The following ARHGAP10 variants were observed in gnomAD, a reference collection of about 807,000 sequenced individuals.
The protein encoded by ARHGAP10 is Rho GTPase activating protein 10, also known as rho GTPase-activating protein 10.
ARHGAP10 carries 87 observed loss-of-function variants against 108.6 expected under a neutral mutation model. The ratio of observed to expected loss-of-function variants is 0.80; its 90% confidence interval spans 0.67 to 0.96. ARHGAP10 has a LOEUF of 0.96. ARHGAP10 is among the 40% of genes least tolerant of loss of function. The pLI, the probability that ARHGAP10 is intolerant of heterozygous loss-of-function variation, is 0.00. For missense variants in ARHGAP10, 939 were observed against 954.5 expected (o/e 0.98, Z 0.21); for synonymous variants, 347 against 341.1 (o/e 1.02, Z -0.19).
At position 147,732,414 on chromosome 4, in the gene ARHGAP10, A is replaced by T; in HGVS notation, c.113A>T (p.Glu38Val). ...ELERTNKFIKELIKDGKNLIA... is the reference protein window; with the variant it reads ...ELERTNKFIKVLIKDGKNLIA... The stretch of plus-strand genomic sequence containing the variant: ...GAGAGGACCAACAAGTTCATCAAAG[A>T]GCTCATTAAGGACGGGAAGAACCTC... Residue 38 changes from glutamate to valine, a missense_variant, in exon 1 of 23, where the codon GAG becomes GTG. Coordinates refer to ENST00000336498, the MANE Select transcript of ARHGAP10 (RefSeq NM_024605.4). The T allele has an allele frequency of 6.2e-7, 1 of 1,612,794 alleles. No homozygotes were observed. Among genetic ancestry groups the T allele is most frequent in the Non-Finnish European group, 8.5e-7 (1 of 1,179,450 alleles).
intron 10 of ARHGAP10, among the ~76,000 whole-genome samples, chr4:147,886,538 A>G (rs1352674028): frequency 1.3e-5 from 2 of 152,216 alleles, no homozygotes; most frequent in African/African-American, 4.8e-5. Context: ...TTCCTTAACT[A>G]GTTGAAATTT....
intron 1 of ARHGAP10, among the ~76,000 whole-genome samples, chr4:147,733,870 A>G (rs1234557321): frequency 3.9e-5 from 6 of 151,994 alleles, no homozygotes; most frequent in Non-Finnish European, 5.9e-5. Flanking sequence ...GGACTCACTT[A>G]GGGTTTTTTT....
At position 148,027,287 on chromosome 4, in the gene ARHGAP10, C is replaced by T. The variant is rs116715216; in HGVS notation, c.1867+3874C>T. Among the ~76,000 whole-genome samples, 606 of 152,272 alleles carry T rather than the reference C, an allele frequency of 4.0e-3. 1 individual carries two copies. The highest frequency in any genetic ancestry group is 6.8e-3 in the Middle Eastern group (2 of 294). The stretch of plus-strand genomic sequence containing the variant: ...ATGATACAGCAGCTTATTTAGGCAA[C>T]TTAAAAAAATATGACTTATAGTGAG... On this transcript the variant is annotated intron_variant, in intron 19 of 22. Transcript: ENST00000336498.
At chr4:147,846,853 G>C (rs1195564779) in intron 3 of ARHGAP10, among the ~76,000 whole-genome samples, 1 of 152,216 alleles carries the variant, frequency 6.6e-6, no homozygotes, top group Non-Finnish European at 1.5e-5. Flanking sequence ...TAATGAATGT[G>C]ATAGACCCCT....
chr4:147,969,189 G>A (rs940370226), intron 18 of ARHGAP10, among the ~76,000 whole-genome samples: 2 of 152,212 alleles, frequency 1.3e-5, no homozygotes, highest in Admixed American at 1.3e-4. Context: ...TGCATTGGCT[G>A]TTTGCTGGAG....
chr4:147,829,843 C>T (rs188433288), intron 3 of ARHGAP10, among the ~76,000 whole-genome samples: 3 of 152,282 alleles, frequency 2.0e-5, no homozygotes, highest in Admixed American at 6.5e-5. Flanking sequence ...GAGTTTCATC[C>T]CTAGCCTAAA....
intron 3 of ARHGAP10, among the ~76,000 whole-genome samples, chr4:147,826,913 C>G (rs1377268957): frequency 2.0e-5 from 3 of 152,178 alleles, no homozygotes. Context: ...AACAGTTGGT[C>G]TGTTTGAATC....
At chr4:147,805,790 CAG>C (rs1560768327) in intron 1 of ARHGAP10, among the ~76,000 whole-genome samples, 1 of 152,272 alleles carries the variant, frequency 6.6e-6, no homozygotes. Context: ...TCGTGGGCAA[CAG>C]AGCAAGACCC....
At chr4:147,943,082 A>C (rs1738221706) in intron 14 of ARHGAP10, among the ~76,000 whole-genome samples, 1 of 152,232 alleles carries the variant, frequency 6.6e-6, no homozygotes, top group South Asian at 2.1e-4. Flanking sequence ...TGAGAATGTA[A>C]AATATCAATT....
chr4:147,837,650 T>TTTTTTTTTTTTTTTTTTTTTTTTTTTTTG (rs71250029), intron 3 of ARHGAP10, among the ~76,000 whole-genome samples: 1 of 112,000 alleles, frequency 8.9e-6, no homozygotes, highest in African/African-American at 2.8e-5. Flanking sequence ...ACTGTTTTTT[T>TTTTTTTTTTTTTTTTTTTTTTTTTTTTTG]TTTTTTTTTT....
intron 20 of ARHGAP10, among the ~76,000 whole-genome samples, chr4:148,060,312 T>A (rs1729555234): frequency 6.6e-6 from 1 of 150,962 alleles, no homozygotes; most frequent in Non-Finnish European, 1.5e-5. Context: ...GTTTGGAAGG[T>A]AAGAGATGGT....
rs771930469 is a variant in ARHGAP10 at position 148,060,344 on chromosome 4, AG to A, written c.2028-2803del. 2.8e-3 allele frequency among the ~76,000 whole-genome samples: 343 copies of A among 120,830 alleles called. 29 individuals are homozygous for A. The Middle Eastern group carries it at 0.033, about 12-fold the overall frequency. 79.3% of individuals were successfully genotyped at this position (120,830 alleles called of 152,430 possible). A position where few individuals can be genotyped will look rare whatever the true frequency, so the allele number is the denominator to read the frequency against. Reference sequence around the variant, plus strand: ...TGGTTACATAACGAAGCTCATGTTTAGTTTTTTTTTTTTTTTTTTTTTGGCC... The same window carrying A: ...TGGTTACATAACGAAGCTCATGTTTATTTTTTTTTTTTTTTTTTTTTGGCC... On this transcript the variant is annotated intron_variant, in intron 20 of 22. Transcript: ENST00000336498.
chr4:148,021,619 C>T (rs1741570681), intron 18 of ARHGAP10, among the ~76,000 whole-genome samples: 1 of 152,070 alleles, frequency 6.6e-6, no homozygotes, highest in Non-Finnish European at 1.5e-5. Context: ...TTCTTCTCTC[C>T]TTCACTGTTA....
intron 19 of ARHGAP10, among the ~76,000 whole-genome samples, chr4:148,038,345 C>T (rs1249656594): frequency 6.6e-6 from 1 of 152,142 alleles, no homozygotes; most frequent in Non-Finnish European, 1.5e-5. Flanking sequence ...ATGCTTAGTT[C>T]AAAGATTATG....
intron 18 of ARHGAP10, among the ~76,000 whole-genome samples, chr4:148,021,653 C>T (rs985889858): frequency 6.6e-6 from 1 of 152,174 alleles, no homozygotes; most frequent in Non-Finnish European, 1.5e-5. Context: ...TTTAACTGCT[C>T]TCCTGTTCCC....
At chr4:147,976,686 T>C (rs1323076222) in intron 18 of ARHGAP10, among the ~76,000 whole-genome samples, 1 of 152,190 alleles carries the variant, frequency 6.6e-6, no homozygotes, top group African/African-American at 2.4e-5. Context: ...TTGTCTTCCT[T>C]ATTCTGTTTT....
intron 12 of ARHGAP10, among the ~76,000 whole-genome samples, chr4:147,912,039 G>GTGTGTGTGTGTGTA (rs1553962354): frequency 8.2e-6 from 1 of 121,764 alleles, no homozygotes; most frequent in South Asian, 2.7e-4. Flanking sequence ...GTGTGTGTGT[G>GTGTGTGTGTGTGTA]TATAGTTTTC....
chr4:147,760,920 A>G (rs1469202459), intron 1 of ARHGAP10, among the ~76,000 whole-genome samples: 1 of 152,224 alleles, frequency 6.6e-6, no homozygotes, highest in East Asian at 1.9e-4. Context: ...GTATTGGAAC[A>G]AAAGGCTGAG....
chr4:147,915,936 T>C (rs1334388049), intron 13 of ARHGAP10, among the ~76,000 whole-genome samples: 1 of 152,100 alleles, frequency 6.6e-6, no homozygotes, highest in African/African-American at 2.4e-5. Context: ...TGACCCTGTC[T>C]GTATAAAAAT....
Sources: allele counts gnomAD v4.1 joint callset (sites outside exome capture counted in the v4.1 genomes callset), GRCh38; gene constraint gnomAD v4.1.1; transcripts MANE v1.5; gene names NCBI Gene and HGNC (gene_info 2026-07-23, HGNC 2026-07-21).